ST6GALNAC3: variants seen among roughly 807,000 people sequenced by gnomAD.
The protein encoded by ST6GALNAC3 is alpha-N-acetylgalactosaminide alpha-2,6-sialyltransferase 3.
ST6GALNAC3 carries 25 observed loss-of-function variants against 32.7 expected under a neutral mutation model. The observed-to-expected ratio is 0.76, with a 90% confidence interval of 0.56 to 1.07. The LOEUF (loss-of-function observed/expected upper bound fraction) is 1.07, where lower values mean the gene tolerates loss of function less well. Ranked by LOEUF, ST6GALNAC3 falls within the 50% of genes least tolerant of loss-of-function variation. ST6GALNAC3 has a pLI of 0.00. For synonymous variants in ST6GALNAC3, 129 were observed against 133.1 expected (o/e 0.97, Z 0.21); for missense variants, 355 against 382.4 (o/e 0.93, Z 0.60).
chr1:76,310,624 G>C (rs547531999), intron 1 of ST6GALNAC3, among the ~76,000 whole-genome samples: 9 of 152,266 alleles, frequency 5.9e-5, no homozygotes, highest in African/African-American at 1.9e-4. Flanking sequence ...ACTGCCTTCA[G>C]GTTTCTTGAC....
At chr1:76,303,428 C>T (rs1197752289) in intron 1 of ST6GALNAC3, among the ~76,000 whole-genome samples, 2 of 151,974 alleles carry the variant, frequency 1.3e-5, no homozygotes, top group African/African-American at 2.4e-5. Flanking sequence ...CAGCGTGAAA[C>T]GGCCTTAGGT....
chr1:76,479,615 T>C (rs1307488133), intron 3 of ST6GALNAC3, among the ~76,000 whole-genome samples: 1 of 152,148 alleles, frequency 6.6e-6, no homozygotes, highest in Non-Finnish European at 1.5e-5. Context: ...CATCCTTTTA[T>C]CAGAAACACA....
intron 2 of ST6GALNAC3, among the ~76,000 whole-genome samples, chr1:76,383,680 A>C (rs1409346194): frequency 6.6e-6 from 1 of 152,184 alleles, no homozygotes; most frequent in Non-Finnish European, 1.5e-5. Context: ...TTTAATATAA[A>C]GGAGCATATA....
At chr1:76,473,570 T>C (rs1183655402) in intron 3 of ST6GALNAC3, among the ~76,000 whole-genome samples, 1 of 152,196 alleles carries the variant, frequency 6.6e-6, no homozygotes, top group Non-Finnish European at 1.5e-5. Flanking sequence ...CAGAGTTGAA[T>C]TATATCCTGC....
rs560383391 is a variant in ST6GALNAC3 at position 76,614,547 on chromosome 1, G to A, written c.624-12905G>A. Among the ~76,000 whole-genome samples the A allele has an allele frequency of 3.3e-5, 5 of 151,830 alleles. No individual in the cohort carries two copies. The South Asian group carries it at 1.0e-3, about 32-fold the overall frequency. ...ATCCTGGCTAACACAGTGAAACCCC[G>A]CCTCTACTAACAATACAAAAAATTA... is the stretch of plus-strand genomic sequence containing the variant. On this transcript the variant is annotated intron_variant, in intron 3 of 4. Coordinates refer to ENST00000328299, the MANE Select transcript of ST6GALNAC3 (RefSeq NM_152996.4).
At chr1:76,246,548 C>A (rs1172491119) in intron 1 of ST6GALNAC3, among the ~76,000 whole-genome samples, 7 of 151,948 alleles carry the variant, frequency 4.6e-5, no homozygotes, top group Non-Finnish European at 1.5e-5. Flanking sequence ...TGGCTGGTAC[C>A]GATTTTTCCT....
chr1:76,336,526 T>C (rs762062088), intron 2 of ST6GALNAC3, among the ~76,000 whole-genome samples: 7 of 152,256 alleles, frequency 4.6e-5, no homozygotes, highest in Non-Finnish European at 1.0e-4. Flanking sequence ...CACAGTCATA[T>C]TCTTATTCAA....
chr1:76,535,096 T>C (rs1663514263), intron 3 of ST6GALNAC3, among the ~76,000 whole-genome samples: 1 of 152,138 alleles, frequency 6.6e-6, no homozygotes, highest in South Asian at 2.1e-4. Flanking sequence ...CTCAAGGCAG[T>C]AGGGCATGGG....
intron 3 of ST6GALNAC3, among the ~76,000 whole-genome samples, chr1:76,492,745 G>T (rs765281329): frequency 6.6e-6 from 1 of 152,156 alleles, no homozygotes; most frequent in Non-Finnish European, 1.5e-5. Flanking sequence ...ATAAGAGAAT[G>T]AATAAAGGAA....
chr1:76,327,295 TGTGTGTGTGTG>T (rs1471204503), intron 2 of ST6GALNAC3, among the ~76,000 whole-genome samples: 1 of 151,488 alleles, frequency 6.6e-6, no homozygotes, highest in African/African-American at 2.4e-5. Context: ...TGTGTGTGTG[TGTGTGTGTGTG>T]TGTGTGTGTA....
intron 3 of ST6GALNAC3, among the ~76,000 whole-genome samples, chr1:76,596,806 G>A (rs761486166): frequency 7.9e-5 from 12 of 152,152 alleles, no homozygotes; most frequent in Non-Finnish European, 5.9e-5. Flanking sequence ...AGCTGGGATT[G>A]TCTGAGTTTC....
At chr1:76,485,117 G>A (rs1002800795) in intron 3 of ST6GALNAC3, among the ~76,000 whole-genome samples, 52 of 152,186 alleles carry the variant, frequency 3.4e-4, no homozygotes, top group Non-Finnish European at 5.4e-4. Flanking sequence ...TGCTGGATTC[G>A]GTTTGCCAGT....
At chr1:76,230,818 A>C (rs1656323981) in intron 1 of ST6GALNAC3, among the ~76,000 whole-genome samples, 1 of 152,244 alleles carries the variant, frequency 6.6e-6, no homozygotes, top group African/African-American at 2.4e-5. Flanking sequence ...AACAACAATA[A>C]AACAATAACT....
Position 76,626,827 on chromosome 1 carries a change from A to G in ST6GALNAC3, c.624-625A>G, listed in dbSNP as rs571021560. The stretch of plus-strand genomic sequence containing the variant: ...TCGTTGTTGTATCCCCAGCCTCCAT[A>G]ACAGTGATTACCATGTAGCTTGTTC... On this transcript the variant is annotated intron_variant, in intron 3 of 4. Transcript: ENST00000328299. Among the ~76,000 whole-genome samples, 4 of 152,040 alleles carry G rather than the reference A, an allele frequency of 2.6e-5. No homozygotes were observed. The South Asian group carries it at 8.3e-4, about 32-fold the overall frequency.
At chr1:76,288,185 G>C (rs545928530) in intron 1 of ST6GALNAC3, among the ~76,000 whole-genome samples, 3 of 152,342 alleles carry the variant, frequency 2.0e-5, no homozygotes, top group African/African-American at 7.2e-5. Context: ...AGCTTTGGGA[G>C]AAAGGTGAAA....
chr1:76,375,722 C>A (rs1651169311), intron 2 of ST6GALNAC3, among the ~76,000 whole-genome samples: 4 of 152,074 alleles, frequency 2.6e-5, no homozygotes, highest in African/African-American at 7.2e-5. Flanking sequence ...GGAAATAAAT[C>A]AAATGTCTAT....
At position 76,583,035 on chromosome 1, in the gene ST6GALNAC3, G is replaced by A. The variant is rs141519381; in HGVS notation, c.624-44417G>A. On this transcript the variant is annotated intron_variant, in intron 3 of 4. Coordinates refer to ENST00000328299, the MANE Select transcript of ST6GALNAC3 (RefSeq NM_152996.4). Reference sequence around the variant, plus strand: ...ATTATCTATAGAACAATTTATTAGTGCAAACTGTTAATATATAATTTTTCA... The same window carrying A: ...ATTATCTATAGAACAATTTATTAGTACAAACTGTTAATATATAATTTTTCA... Among the ~76,000 whole-genome samples the A allele has an allele frequency of 2.9e-3, 437 of 152,244 alleles. 3 individuals are homozygous for A. Among genetic ancestry groups the A allele is most frequent in the African/African-American group, 9.8e-3 (409 of 41,542 alleles).
intron 1 of ST6GALNAC3, among the ~76,000 whole-genome samples, chr1:76,214,997 T>TA (rs1168302618): frequency 6.6e-6 from 1 of 152,204 alleles, no homozygotes; most frequent in African/African-American, 2.4e-5. Context: ...AGGGTGCTCA[T>TA]ATCAAATATG....
At chr1:76,179,307 T>C (rs1447734449) in intron 1 of ST6GALNAC3, among the ~76,000 whole-genome samples, 2 of 152,234 alleles carry the variant, frequency 1.3e-5, no homozygotes, top group Non-Finnish European at 2.9e-5. Context: ...CTTACTGTCC[T>C]TCCATTTGCT....
Sources: gnomAD v4.1 joint callset for allele counts (sites outside exome capture counted in the v4.1 genomes callset) on GRCh38, gnomAD v4.1.1 for gene constraint, MANE v1.5 for transcripts, NCBI Gene and HGNC (gene_info 2026-07-23, HGNC 2026-07-21) for gene names.